The following JAKMIP3 variants were observed in gnomAD, a reference collection of about 807,000 sequenced individuals.
JAKMIP3 encodes the protein janus kinase and microtubule-interacting protein 3.
A neutral mutation model predicts 118.5 loss-of-function variants in JAKMIP3; 58 were observed. That is an observed-to-expected ratio of 0.49 (90% CI 0.40 to 0.61). The LOEUF is 0.61. Among genes scored for constraint, JAKMIP3 ranks in the 20% least tolerant of loss-of-function variants. The pLI, the probability that JAKMIP3 is intolerant of heterozygous loss-of-function variation, is 0.00. For synonymous variants in JAKMIP3, 486 were observed against 451.2 expected (o/e 1.08, Z -0.98); for missense variants, 950 against 1,109.0 (o/e 0.86, Z 2.04).
intron 1 of JAKMIP3, among the ~76,000 whole-genome samples, chr10:132,088,112 G>A (rs1157240295): frequency 3.9e-5 from 6 of 152,122 alleles, no homozygotes; most frequent in African/African-American, 1.4e-4. Context: ...TATCATTGAT[G>A]GACATTTGGG....
chr10:132,047,606 ATCC>A lies in JAKMIP3; in HGVS notation c.-138+10876_-138+10878del, dbSNP rs1466668971. Among the ~76,000 whole-genome samples, 5 of 152,296 alleles carry A rather than the reference ATCC, an allele frequency of 3.3e-5. No individual in the cohort carries two copies. In the East Asian group the frequency reaches 9.6e-4, roughly 29 times the overall value. ...CCTAATCCCACAGGTTCCCGTGGAC[ATCC>A]TCCTCCTGACCCAGGGTCCCCACCC... is the stretch of plus-strand genomic sequence containing the variant. On this transcript the variant is annotated intron_variant, in intron 1 of 23. Coordinates refer to the JAKMIP3 transcript ENST00000657785.
chr10:132,047,004 T>C (rs2037936582), intron 1 of JAKMIP3, among the ~76,000 whole-genome samples: 1 of 152,114 alleles, frequency 6.6e-6, no homozygotes, highest in African/African-American at 2.4e-5. Flanking sequence ...CTGCCCCAGC[T>C]CTCCTGAGTC....
At chr10:132,149,045 C>G (rs2055275597) in intron 14 of JAKMIP3, among the ~76,000 whole-genome samples, 1 of 152,144 alleles carries the variant, frequency 6.6e-6, no homozygotes, top group Admixed American at 6.5e-5. Flanking sequence ...TCCAGAGGCT[C>G]CTCTGGTCAG....
rs183754966 is a variant in JAKMIP3, at chr10:132,087,613, T to C, written c.-137-17059T>C. The stretch of plus-strand genomic sequence containing the variant: ...TAACTCGAAAACCTTATCTTCAGGC[T>C]CTGAAGTTCTTTCTTCTGCTTGTTT... On this transcript the variant is annotated intron_variant, in intron 1 of 23. Coordinates refer to ENST00000684848, the MANE Select transcript of JAKMIP3 (RefSeq NM_001323087.2). Among the ~76,000 whole-genome samples, 14 of 151,454 alleles carry C rather than the reference T, an allele frequency of 9.2e-5. No individual in the cohort carries two copies. In the East Asian group the frequency reaches 2.7e-3, roughly 29 times the overall value.
intron 11 of JAKMIP3, 105 bp downstream of exon 11, chr10:132,142,153 C>A (rs2053648905): frequency 2.4e-6 from 3 of 1,229,182 alleles, no homozygotes; most frequent in African/African-American, 1.5e-5. Flanking sequence ...TGGGCCCGGG[C>A]CCCTCCTCTC....
intron 23 of JAKMIP3, among the ~76,000 whole-genome samples, chr10:132,175,025 C>A (rs1264702133): frequency 6.6e-6 from 1 of 152,140 alleles, no homozygotes; most frequent in Admixed American, 6.5e-5. Flanking sequence ...ATCAGATACA[C>A]CGCTGAAAAG....
chr10:132,181,329 C>T (rs1387829314), intron 23 of JAKMIP3: 1 of 152,192 alleles, frequency 6.6e-6, no homozygotes, highest in Non-Finnish European at 1.5e-5. Flanking sequence ...GTTCATACTC[C>T]AGGCAGTTGA....
intron 1 of JAKMIP3, among the ~76,000 whole-genome samples, chr10:132,059,089 C>T (rs1299703692): frequency 1.3e-5 from 2 of 152,230 alleles, no homozygotes; most frequent in African/African-American, 4.8e-5. Flanking sequence ...ACGACAAACG[C>T]GACCCAGGAT....
At chr10:132,177,053 C>T (rs1482705405) in intron 23 of JAKMIP3, among the ~76,000 whole-genome samples, 1 of 152,134 alleles carries the variant, frequency 6.6e-6, no homozygotes, top group Admixed American at 6.6e-5. Flanking sequence ...AGAAACTGAA[C>T]GACTGACTTG....
intron 1 of JAKMIP3, among the ~76,000 whole-genome samples, chr10:132,057,779 G>A (rs1307609923): frequency 2.6e-5 from 4 of 152,184 alleles, no homozygotes; most frequent in Admixed American, 6.5e-5. Flanking sequence ...CAGTGAGAGG[G>A]ACGCTGTCTC....
chr10:132,168,717 G>C lies in JAKMIP3; in HGVS notation c.*787G>C. ...CGCGGGACTGAGCCAAGGAAGGCGT[G>C]GGGAGCGTGGTGACAGGAGGTGGGA... On this transcript the variant is annotated 3_prime_UTR_variant, in exon 23 of 24. Transcript: ENST00000684848. 3.5e-6 allele frequency: 1 copy of C among 281,868 alleles called. No individual in the cohort carries two copies. The allele number at this position is 281,868 out of a possible 1,614,324, so 17.5% of individuals were successfully genotyped here. A position where few individuals can be genotyped will look rare whatever the true frequency, so the allele number is the denominator to read the frequency against.
intron 14 of JAKMIP3, among the ~76,000 whole-genome samples, chr10:132,148,909 G>A (rs894884911): frequency 7.2e-5 from 11 of 152,332 alleles, no homozygotes; most frequent in Admixed American, 2.6e-4. Flanking sequence ...AGCTGGAGCC[G>A]CCTCTTAAGA....
intron 2 of JAKMIP3, among the ~76,000 whole-genome samples, chr10:132,105,500 G>A (rs1025849249): frequency 2.0e-5 from 3 of 151,658 alleles, no homozygotes; most frequent in East Asian, 1.9e-4. Flanking sequence ...TTGAAGCCTC[G>A]GGAAAGATTG....
At chr10:132,133,289 AT>A (rs763122093) in intron 3 of JAKMIP3, 22 bp from the exon 4 acceptor site, 2 of 1,544,588 alleles carry the variant, frequency 1.3e-6, no homozygotes, top group South Asian at 2.4e-5. Context: ...CGCCTGTGTG[AT>A]TGTGTTCTGT....
chr10:132,169,650 A>C (rs2059283920), intron 23 of JAKMIP3, among the ~76,000 whole-genome samples: 1 of 152,224 alleles, frequency 6.6e-6, no homozygotes, highest in Admixed American at 6.5e-5. Context: ...GGGGCCGCCC[A>C]GGGAGCGCTC....
Position 132,066,062 on chromosome 10 carries a change from G to T in JAKMIP3, c.-138+1G>T, listed in dbSNP as rs2133880422. ...AGGAGCAGACAGCGAGCTTTGGAAT[G>T]TGAGTGTTTATTTTCTGACTGCTGC... is the stretch of plus-strand genomic sequence containing the variant. On this transcript the variant is annotated splice_donor_variant, in intron 1 of 23. Transcript: ENST00000684848. LOFTEE classifies it low-confidence loss of function (5UTR_SPLICE). Among the ~76,000 whole-genome samples the T allele has an allele frequency of 6.6e-6, 1 of 152,268 alleles. No homozygotes were observed. Among genetic ancestry groups the T allele is most frequent in the African/African-American group, 2.4e-5 (1 of 41,520 alleles).
chr10:132,125,553 G>C (rs971091077), intron 3 of JAKMIP3, among the ~76,000 whole-genome samples: 1 of 152,210 alleles, frequency 6.6e-6, no homozygotes, highest in African/African-American at 2.4e-5. Context: ...CCGCTTTTCT[G>C]TATGAAACTT....
intron 19 of JAKMIP3, among the ~76,000 whole-genome samples, chr10:132,158,086 G>A (rs543638235): frequency 0.011 from 579 of 52,932 alleles, 5 homozygotes; most frequent in Non-Finnish European, 0.015. Flanking sequence ...CCCCCGCCCC[G>A]CCCCGCCCCG....
At chr10:132,126,327 C>T (rs907670429) in intron 3 of JAKMIP3, among the ~76,000 whole-genome samples, 4 of 149,226 alleles carry the variant, frequency 2.7e-5, no homozygotes, top group Non-Finnish European at 4.4e-5. Flanking sequence ...TTCCTGGACA[C>T]GGTCTCGCTC....
Sources: gnomAD v4.1 joint callset for allele counts (sites outside exome capture counted in the v4.1 genomes callset) on GRCh38, gnomAD v4.1.1 for gene constraint, MANE v1.5 for transcripts, NCBI Gene and HGNC (gene_info 2026-07-23, HGNC 2026-07-21) for gene names.